PCDHA1: variants seen among roughly 807,000 people sequenced by gnomAD.
PCDHA1 encodes protocadherin alpha-1.
In PCDHA1, 42 loss-of-function variants were observed where a neutral mutation model predicts 61.3. The ratio of observed to expected loss-of-function variants is 0.69; its 90% confidence interval spans 0.54 to 0.89. PCDHA1 has a LOEUF of 0.89. Among genes scored for constraint, PCDHA1 ranks in the 40% least tolerant of loss-of-function variants. PCDHA1 has a pLI of 0.00. For missense variants in PCDHA1, 1,256 were observed against 1,235.3 expected (o/e 1.02, Z -0.25); for synonymous variants, 610 against 553.8 (o/e 1.10, Z -1.43).
intron 1 of PCDHA1, among the ~76,000 whole-genome samples, chr5:140,897,693 G>A (rs1327367730): frequency 6.6e-6 from 1 of 152,008 alleles, no homozygotes; most frequent in African/African-American, 2.4e-5. Context: ...TAGTCCTTTG[G>A]GCATATACCC....
intron 3 of PCDHA1, among the ~76,000 whole-genome samples, chr5:140,990,421 G>A (rs374181612): frequency 2.6e-5 from 4 of 152,190 alleles, no homozygotes; most frequent in Non-Finnish European, 5.9e-5. Flanking sequence ...CTTTCAACCA[G>A]CATTGACCCA....
At chr5:140,981,327 A>C (rs1330138417) in intron 2 of PCDHA1, among the ~76,000 whole-genome samples, 1 of 152,196 alleles carries the variant, frequency 6.6e-6, no homozygotes, top group Non-Finnish European at 1.5e-5. Context: ...TAATCCCAGC[A>C]CTTTGGGAGG....
intron 3 of PCDHA1, among the ~76,000 whole-genome samples, chr5:140,998,480 G>A (rs782244125): frequency 6.6e-6 from 1 of 151,974 alleles, no homozygotes; most frequent in Non-Finnish European, 1.5e-5. Context: ...CCACTGTGCT[G>A]TAACTCTTTG....
intron 1 of PCDHA1, chr5:140,805,465 T>C (rs1201496282): frequency 3.0e-6 from 3 of 1,013,086 alleles, no homozygotes; most frequent in Non-Finnish European, 3.5e-6. Flanking sequence ...GTGAGTGTAG[T>C]TCTTCAATAG....
At chr5:140,924,675 A>G (rs2081950007) in intron 1 of PCDHA1, among the ~76,000 whole-genome samples, 1 of 152,152 alleles carries the variant, frequency 6.6e-6, no homozygotes, top group Non-Finnish European at 1.5e-5. Flanking sequence ...CAGGCCAATC[A>G]CTTGAGGTCA....
intron 1 of PCDHA1, chr5:140,808,205 G>A: frequency 6.2e-7 from 1 of 1,614,254 alleles, no homozygotes; most frequent in Non-Finnish European, 8.5e-7. Context: ...TATTGTGGAA[G>A]TAGAAGACAA....
intron 1 of PCDHA1, among the ~76,000 whole-genome samples, chr5:140,922,956 T>G (rs2081088317): frequency 6.6e-6 from 1 of 152,236 alleles, no homozygotes; most frequent in Non-Finnish European, 1.5e-5. Context: ...CCAGTTTGTC[T>G]TCAGCCAGTG....
In PCDHA1 at chr5:140,982,576, G is replaced by C. The variant is rs782355791; in HGVS notation, c.2542+13G>C. ...AGTGCAACACCAGGTAAAGAGCTGG[G>C]GTCTCTCCATTCTTTCTTGGTTTCT... On this transcript the variant is annotated intron_variant, in intron 3 of 3. Transcript: ENST00000504120. 3.1e-6 allele frequency: 5 copies of C among 1,613,270 alleles called. 1 individual carries two copies. In the South Asian group the frequency reaches 5.5e-5, roughly 18 times the overall value.
intron 1 of PCDHA1, among the ~76,000 whole-genome samples, chr5:140,844,638 T>C (rs1352233987): frequency 8.0e-5 from 12 of 149,752 alleles, no homozygotes; most frequent in African/African-American, 2.7e-4. Flanking sequence ...CTATACATGA[T>C]AATTTCATTC....
At chr5:140,906,736 A>G (rs1554192686) in intron 1 of PCDHA1, among the ~76,000 whole-genome samples, 1 of 152,132 alleles carries the variant, frequency 6.6e-6, no homozygotes, top group Admixed American at 6.5e-5. Context: ...GTAGTTTCCC[A>G]TTGACACAGG....
At chr5:140,842,634 C>A (rs2150340944) in intron 1 of PCDHA1, 1 of 1,589,836 alleles carries the variant, frequency 6.3e-7, no homozygotes, top group Admixed American at 1.7e-5. Context: ...CTGTGGGCCA[C>A]CGCCAGCTTG....
intron 3 of PCDHA1, among the ~76,000 whole-genome samples, chr5:140,989,551 C>A (rs964653534): frequency 1.3e-5 from 2 of 152,178 alleles, no homozygotes; most frequent in Non-Finnish European, 2.9e-5. Context: ...AATTCCTTTA[C>A]GTTTTGTGGC....
Position 140,855,940 on chromosome 5 carries a change from T to G in PCDHA1, c.2394+67256T>G, listed in dbSNP as rs781849353. 20 of 1,323,248 alleles carry G rather than the reference T, an allele frequency of 1.5e-5. 4 individuals carry two copies. The highest frequency in any genetic ancestry group is 2.9e-5 in the South Asian group (2 of 68,766). The allele number at this position is 1,323,248 out of a possible 1,614,324, so 82.0% of individuals were successfully genotyped here. A position where few individuals can be genotyped will look rare whatever the true frequency, so the allele number is the denominator to read the frequency against. Reference sequence around the variant, plus strand: ...TAGGAAGTAGCGTCATTCTGAGATCTCAGCCATTTCGATAAAAAATAGATA... The same window carrying G: ...TAGGAAGTAGCGTCATTCTGAGATCGCAGCCATTTCGATAAAAAATAGATA... On this transcript the variant is annotated intron_variant, in intron 1 of 3. Transcript: ENST00000504120.
chr5:140,912,532 G>T (rs1554195398), intron 1 of PCDHA1, among the ~76,000 whole-genome samples: 1 of 152,092 alleles, frequency 6.6e-6, no homozygotes, highest in African/African-American at 2.4e-5. Flanking sequence ...CAGAGTACAT[G>T]ATCATATTGT....
chr5:140,836,103 G>C, intron 1 of PCDHA1: 1 of 1,613,736 alleles, frequency 6.2e-7, no homozygotes, highest in Non-Finnish European at 8.5e-7. Flanking sequence ...GGGTGGCACT[G>C]GTGGCGCAGT....
At chr5:140,918,584 A>G (rs1296882763) in intron 1 of PCDHA1, among the ~76,000 whole-genome samples, 1 of 152,212 alleles carries the variant, frequency 6.6e-6, no homozygotes, top group Non-Finnish European at 1.5e-5. Context: ...TATTGGCTAT[A>G]TGTTCTATAG....
intron 1 of PCDHA1, chr5:140,868,151 C>A (rs1421051830): frequency 6.6e-6 from 1 of 151,990 alleles, no homozygotes. Flanking sequence ...GATTCTGTTA[C>A]ATAAAGTGCT....
chr5:140,796,754 T>A lies in PCDHA1; in HGVS notation c.2394+8070T>A. Reference sequence around the variant, plus strand: ...CACGTGGTGGCGAAGGTGCGCGCAGTGGACGCTGACTCAGGCTACAACGCG... The same window carrying A: ...CACGTGGTGGCGAAGGTGCGCGCAGAGGACGCTGACTCAGGCTACAACGCG... On this transcript the variant is annotated intron_variant, in intron 1 of 3. Coordinates refer to ENST00000504120, the MANE Select transcript of PCDHA1 (RefSeq NM_018900.4). 1.2e-6 allele frequency: 2 copies of A among 1,614,102 alleles called. No homozygotes were observed. The highest frequency in any genetic ancestry group is 2.2e-5 in the South Asian group (2 of 91,088).
At chr5:140,805,838 A>G (rs1763637111) in intron 1 of PCDHA1, among the ~76,000 whole-genome samples, 1 of 152,206 alleles carries the variant, frequency 6.6e-6, no homozygotes, top group Non-Finnish European at 1.5e-5. Flanking sequence ...TTTCCCAACT[A>G]GATATGCGAT....
Sources: allele counts gnomAD v4.1 joint callset (sites outside exome capture counted in the v4.1 genomes callset), GRCh38; gene constraint gnomAD v4.1.1; transcripts MANE v1.5; gene names NCBI Gene and HGNC (gene_info 2026-07-23, HGNC 2026-07-21).